BTBD9: variants seen among roughly 807,000 people sequenced by gnomAD.
BTBD9 encodes the protein BTB/POZ domain-containing protein 9.
A neutral mutation model predicts 64.3 loss-of-function variants in BTBD9; 49 were observed. The observed-to-expected ratio is 0.76, with a 90% CI of 0.61 to 0.97. BTBD9 has a LOEUF of 0.97. BTBD9 is among the 50% of genes least tolerant of loss of function. The probability of loss-of-function intolerance (pLI) is 0.00; values close to 1 mark genes in which losing one functional copy is unlikely to be tolerated. For synonymous variants in BTBD9, 260 were observed against 274.7 expected, an observed-to-expected ratio of 0.95 and a Z score of 0.53; for missense variants, 598 against 762.1, an observed-to-expected ratio of 0.78 and a Z score of 2.53.
chr6:38,370,422 C>T (rs1765370514), intron 6 of BTBD9, among the ~76,000 whole-genome samples: 1 of 152,204 alleles, frequency 6.6e-6, no homozygotes, highest in South Asian at 2.1e-4. Flanking sequence ...AGCTATTAAT[C>T]AGACTTGGAA....
At chr6:38,324,245 A>G (rs1763338308) in intron 7 of BTBD9, among the ~76,000 whole-genome samples, 1 of 152,254 alleles carries the variant, frequency 6.6e-6, no homozygotes, top group Non-Finnish European at 1.5e-5. Context: ...AAAACAGCTT[A>G]GAGATAGGCC....
At chr6:38,438,117 G>A (rs1166964520) in intron 6 of BTBD9, among the ~76,000 whole-genome samples, 2 of 151,030 alleles carry the variant, frequency 1.3e-5, no homozygotes, top group African/African-American at 4.9e-5. Flanking sequence ...TTTGTAGAAA[G>A]GATCTAGCTT....
chr6:38,271,651 T>G (rs1486516299), intron 8 of BTBD9, among the ~76,000 whole-genome samples: 3 of 152,118 alleles, frequency 2.0e-5, no homozygotes, highest in African/African-American at 7.2e-5. Context: ...CTACTACTTG[T>G]CCTTTTATGG....
At chr6:38,602,240 C>T (rs899018532) in intron 1 of BTBD9, among the ~76,000 whole-genome samples, 6 of 151,846 alleles carry the variant, frequency 4.0e-5, no homozygotes, top group African/African-American at 1.2e-4. Context: ...TGAACAGTCA[C>T]ATAAGAGTAC....
chr6:38,286,042 C>T (rs187429199), intron 8 of BTBD9, among the ~76,000 whole-genome samples: 22 of 152,242 alleles, frequency 1.4e-4, no homozygotes, highest in East Asian at 5.8e-4. Context: ...ATTTGCTATT[C>T]GACAGAAGTT....
At chr6:38,374,283 G>GTATATATATATATATACA (rs57568036) in intron 6 of BTBD9, among the ~76,000 whole-genome samples, 3 of 45,486 alleles carry the variant, frequency 6.6e-5, no homozygotes, top group Non-Finnish European at 1.0e-4. Flanking sequence ...AAAAAAAAAA[G>GTATATATATATATATACA]TATATATATA....
chr6:38,204,949 G>A (rs752688021), intron 9 of BTBD9, among the ~76,000 whole-genome samples: 4 of 152,112 alleles, frequency 2.6e-5, no homozygotes, highest in Non-Finnish European at 5.9e-5. Context: ...ACAAGAAAGT[G>A]CTCTTGTAAA....
chr6:38,481,517 G>C (rs1771140949), intron 6 of BTBD9, among the ~76,000 whole-genome samples: 1 of 152,202 alleles, frequency 6.6e-6, no homozygotes, highest in Non-Finnish European at 1.5e-5. Flanking sequence ...TCCAGGGTGA[G>C]CAGCTCTGCT....
intron 6 of BTBD9, among the ~76,000 whole-genome samples, chr6:38,404,598 G>C (rs893519679): frequency 1.3e-5 from 2 of 152,178 alleles, no homozygotes; most frequent in African/African-American, 4.8e-5. Context: ...CCCTGAGCCT[G>C]CCTGGCATGC....
At chr6:38,274,266 A>G (rs1378548869) in intron 8 of BTBD9, among the ~76,000 whole-genome samples, 3 of 152,214 alleles carry the variant, frequency 2.0e-5, no homozygotes, top group African/African-American at 7.2e-5. Context: ...TTATCAGCTT[A>G]AGGAGATTTT....
chr6:38,351,025 G>T (rs1460290065), intron 6 of BTBD9, among the ~76,000 whole-genome samples: 1 of 152,240 alleles, frequency 6.6e-6, no homozygotes, highest in African/African-American at 2.4e-5. Context: ...TGGAGGGGGT[G>T]TGACTTCAGG....
chr6:38,180,962 C>T (rs1192766121), intron 10 of BTBD9, among the ~76,000 whole-genome samples: 1 of 152,190 alleles, frequency 6.6e-6, no homozygotes, highest in Non-Finnish European at 1.5e-5. Context: ...CATAATTCAC[C>T]ACATACTGGA....
chr6:38,526,062 A>G (rs1773472323), intron 6 of BTBD9, among the ~76,000 whole-genome samples: 1 of 152,236 alleles, frequency 6.6e-6, no homozygotes, highest in South Asian at 2.1e-4. Context: ...CCTCCAAGGC[A>G]TTTCAGAGAC....
chr6:38,243,378 C>A (rs1764075088), intron 9 of BTBD9, among the ~76,000 whole-genome samples: 1 of 152,120 alleles, frequency 6.6e-6, no homozygotes, highest in Non-Finnish European at 1.5e-5. Flanking sequence ...GGTCCCTGTA[C>A]AGGGATTAAG....
intron 6 of BTBD9, among the ~76,000 whole-genome samples, chr6:38,440,555 G>A (rs1401786151): frequency 6.6e-6 from 1 of 152,034 alleles, no homozygotes; most frequent in Non-Finnish European, 1.5e-5. Flanking sequence ...AACCACTTCT[G>A]GACAACTTTC....
At chr6:38,577,805 CAA>C in intron 5 of BTBD9, 86 bp from the exon 6 acceptor site, 1 of 1,179,140 alleles carries the variant, frequency 8.5e-7, no homozygotes, top group South Asian at 1.4e-5. Context: ...TTAAAAGGTA[CAA>C]AAAATACAGA....
At chr6:38,296,826 C>A (rs1762171416) in intron 7 of BTBD9, among the ~76,000 whole-genome samples, 1 of 152,138 alleles carries the variant, frequency 6.6e-6, no homozygotes, top group Non-Finnish European at 1.5e-5. Context: ...CTTTCTGTTA[C>A]TGATTTTTAA....
At chr6:38,374,283 G>GTATATATATATACACATATA (rs1554143528) in intron 6 of BTBD9, among the ~76,000 whole-genome samples, 1 of 45,474 alleles carries the variant, frequency 2.2e-5, no homozygotes, top group African/African-American at 1.6e-4. Context: ...AAAAAAAAAA[G>GTATATATATATACACATATA]TATATATATA....
chr6:38,498,468 A>AC (rs1311681368), intron 6 of BTBD9, among the ~76,000 whole-genome samples: 1 of 151,584 alleles, frequency 6.6e-6, no homozygotes, highest in Non-Finnish European at 1.5e-5. Flanking sequence ...AAAAAAAAAA[A>AC]AAAAAAACAA....
Sources: allele counts gnomAD v4.1 joint callset (sites outside exome capture counted in the v4.1 genomes callset), GRCh38; gene constraint gnomAD v4.1.1; transcripts MANE v1.5; gene names NCBI Gene and HGNC (gene_info 2026-07-23, HGNC 2026-07-21).